Variants in RAI1 observed in about 807,000 individuals in gnomAD.
RAI1 encodes the protein retinoic acid induced 1.
RAI1 carries 9 observed loss-of-function variants against 123.8 expected under a neutral mutation model. The observed-to-expected ratio is 0.07, with a 90% confidence interval of 0.04 to 0.13. The LOEUF is 0.13. Among genes scored for constraint, RAI1 ranks in the 10% least tolerant of loss-of-function variants. The pLI, the probability that RAI1 is intolerant of heterozygous loss-of-function variation, is 1.00. For missense variants in RAI1, 2,256 were observed against 2,545.8 expected (o/e 0.89, Z 2.45); for synonymous variants, 1,231 against 1,127.3 (o/e 1.09, Z -1.84).
At chr17:17,695,105 A>G (rs966611848) in intron 1 of RAI1, among the ~76,000 whole-genome samples, 16 of 151,898 alleles carry the variant, frequency 1.1e-4, no homozygotes, top group African/African-American at 3.9e-4. Flanking sequence ...TAATGGGGAG[A>G]CTGGACCCCT....
chr17:17,708,006 G>A (rs1350692649), intron 1 of RAI1, among the ~76,000 whole-genome samples: 2 of 152,160 alleles, frequency 1.3e-5, no homozygotes, highest in Non-Finnish European at 2.9e-5. Context: ...AGCTTGAAGG[G>A]GAGTAGAAGG....
At chr17:17,686,088 T>G (rs1914618616) in intron 1 of RAI1, among the ~76,000 whole-genome samples, 1 of 152,234 alleles carries the variant, frequency 6.6e-6, no homozygotes, top group African/African-American at 2.4e-5. Flanking sequence ...GGCTGAAGCA[T>G]CGAGGCCTGA....
At chr17:17,682,305 G>T (rs1914455075) in intron 1 of RAI1, among the ~76,000 whole-genome samples, 1 of 151,494 alleles carries the variant, frequency 6.6e-6, no homozygotes, top group Admixed American at 6.6e-5. Flanking sequence ...GGCCGTGCGT[G>T]GCGAGATGGG....
chr17:17,798,111 G>A lies in RAI1; in HGVS notation c.5163G>A (p.Glu1721=), dbSNP rs768697226. The part of the protein sequence containing the change: ...CLPKKKPKLK[E]KVRPEGTCEE... The stretch of plus-strand genomic sequence containing the variant: ...CCAAAAAGAAGCCAAAACTCAAGGA[G>A]AAGGTGCGGCCAGAAGGCACCTGTG... The change falls in exon 3 of 6, where the codon GAG becomes GAA. Residue 1721 remains glutamate (E), a synonymous_variant. Transcript: ENST00000353383. The A allele has an allele frequency of 1.3e-5, 21 of 1,613,944 alleles. No individual in the cohort carries two copies. Among genetic ancestry groups the A allele is most frequent in the Non-Finnish European group, 1.6e-5 (19 of 1,180,032 alleles).
At chr17:17,709,666 A>T (rs1191722022) in intron 1 of RAI1, among the ~76,000 whole-genome samples, 1 of 152,108 alleles carries the variant, frequency 6.6e-6, no homozygotes, top group Non-Finnish European at 1.5e-5. Flanking sequence ...TGGGCCAAGG[A>T]GCTGCTGGGC....
In RAI1 at chr17:17,685,555, CAA is replaced by C. The variant is rs942176022; in HGVS notation, c.-149+3763_-149+3764del. On this transcript the variant is annotated intron_variant, in intron 1 of 5. Coordinates refer to ENST00000353383, the MANE Select transcript of RAI1 (RefSeq NM_030665.4). The surrounding 1 kb of genome is among the most constrained non-coding windows in gnomAD (Gnocchi z 4.0). Reference sequence around the variant, plus strand: ...ATGTGGCCTGTGTGCTGTAGCCAAACAAGAGGGGAGGACTTGGCTCAGAAAGA... The same window carrying C: ...ATGTGGCCTGTGTGCTGTAGCCAAACGAGGGGAGGACTTGGCTCAGAAAGA... Among the ~76,000 whole-genome samples, 8 of 152,172 alleles carry C rather than the reference CAA, an allele frequency of 5.3e-5. No homozygotes were observed. The South Asian group carries it at 6.2e-4, about 12-fold the overall frequency.
At chr17:17,743,398 C>G (rs1473650027) in intron 2 of RAI1, among the ~76,000 whole-genome samples, 3 of 152,224 alleles carry the variant, frequency 2.0e-5, no homozygotes, top group African/African-American at 7.2e-5. Context: ...GTTCCACATC[C>G]TAAGCATTGC....
At chr17:17,684,771 A>G (rs1452285519) in intron 1 of RAI1, 1 of 150,924 alleles carries the variant, frequency 6.6e-6, no homozygotes, top group Non-Finnish European at 1.5e-5. Context: ...CCAAGTGAGG[A>G]CATACTGTGG....
chr17:17,738,689 G>A (rs12938840), intron 2 of RAI1, among the ~76,000 whole-genome samples: 94,495 of 152,066 alleles, frequency 0.62, 30,825 homozygotes, highest in African/African-American at 0.82. Flanking sequence ...GTGTGTCTGA[G>A]CTCAGGCAAC....
rs78933406 is a variant in RAI1, at chr17:17,741,848, C to T, written c.-17+17689C>T. Among the ~76,000 whole-genome samples, 464 of 152,322 alleles carry T rather than the reference C, an allele frequency of 3.0e-3. 4 individuals carry two copies. The highest frequency in any genetic ancestry group is 0.01 in the African/African-American group (422 of 41,578). On this transcript the variant is annotated intron_variant, in intron 2 of 5. Transcript: ENST00000353383. Reference sequence around the variant, plus strand: ...AGGGCCAAGCTCACGGCCGTTGCTTCGGTGCCAGTGGAAGGGGAATGAATG... The same window carrying T: ...AGGGCCAAGCTCACGGCCGTTGCTTTGGTGCCAGTGGAAGGGGAATGAATG...
At chr17:17,773,475 C>A (rs2031238799) in intron 2 of RAI1, among the ~76,000 whole-genome samples, 1 of 152,146 alleles carries the variant, frequency 6.6e-6, no homozygotes, top group Non-Finnish European at 1.5e-5. Flanking sequence ...GGGAACCAGA[C>A]CCATAGAGTT....
At position 17,811,307 on chromosome 17, in the gene RAI1, T is replaced by TATTA. The variant is rs938188040; in HGVS notation, c.*1327_*1330dup. On this transcript the variant is annotated 3_prime_UTR_variant, in exon 6 of 6. Transcript: ENST00000353383. ...TAAATGTTAAGACGACTAGTGTTCTTATTAGTATATTGCTTCACACTGAAG... is the reference window on the plus strand; with the variant it reads ...TAAATGTTAAGACGACTAGTGTTCTTATTAATTAGTATATTGCTTCACACTGAAG... 3 of 291,418 alleles carry TATTA rather than the reference T, an allele frequency of 1.0e-5. No individual in the cohort carries two copies. Among genetic ancestry groups the TATTA allele is most frequent in the African/African-American group, 6.9e-5 (3 of 43,534 alleles). 18.1% of individuals were successfully genotyped at this position (291,418 alleles called of 1,614,324 possible). A position where few individuals can be genotyped will look rare whatever the true frequency, so the allele number is the denominator to read the frequency against.
chr17:17,765,748 G>A (rs2030901049), intron 2 of RAI1: 1 of 152,240 alleles, frequency 6.6e-6, no homozygotes, highest in Non-Finnish European at 1.5e-5. Flanking sequence ...GCCTGCCTCT[G>A]TTCCCCACTC....
Position 17,795,287 on chromosome 17 carries a change from G to A in RAI1, c.2339G>A (p.Ser780Asn). Residue 780 changes from serine (S) to asparagine (N), a missense_variant, in exon 3 of 6, where the codon AGC becomes AAC. Transcript: ENST00000353383. This position sits in a 1 kb window ranked among gnomAD's most constrained non-coding sequence, Gnocchi z 5.9. ...GGTGGGAAGGCCTCAGATGGCATCAGCAAAGGGGACACCCATGAGGCTTCG... is the reference window on the plus strand; with the variant it reads ...GGTGGGAAGGCCTCAGATGGCATCAACAAAGGGGACACCCATGAGGCTTCG... Reference protein sequence around the residue: ...EQGGKASDGISKGDTHEASAC... With the variant: ...EQGGKASDGINKGDTHEASAC... 1 of 1,613,290 alleles carries A rather than the reference G, an allele frequency of 6.2e-7. No individual in the cohort carries two copies. The highest frequency in any genetic ancestry group is 8.5e-7 in the Non-Finnish European group (1 of 1,179,450).
intron 1 of RAI1, among the ~76,000 whole-genome samples, chr17:17,708,646 T>A (rs1915467869): frequency 6.6e-6 from 1 of 152,042 alleles, no homozygotes; most frequent in Non-Finnish European, 1.5e-5. Context: ...AGTGAGTGGG[T>A]TACTTTTTCA....
chr17:17,694,759 G>T (rs1167167726), intron 1 of RAI1, among the ~76,000 whole-genome samples: 1 of 149,664 alleles, frequency 6.7e-6, no homozygotes, highest in Non-Finnish European at 1.5e-5. Context: ...CCAGGCGGGG[G>T]GCGAGGCGGG....
chr17:17,797,126 C>T lies in RAI1; in HGVS notation c.4178C>T (p.Thr1393Ile). The change falls in exon 3 of 6, where the codon ACT becomes ATT. Residue 1393 changes from threonine to isoleucine, a missense_variant. Thr to Ile is a moderately conservative substitution (Grantham distance 89). Around this residue, in one of 7 missense-constraint regions of RAI1, gnomAD observed 410 missense variants for 374.6 expected, o/e 1.09. Transcript: ENST00000353383. The stretch of plus-strand genomic sequence containing the variant: ...GTGGGCACCGGGCAGAAGCTCCCAA[C>T]TTCTGGGGCTGATCCGTTATGCAGA... ...VNVGTGQKLP[T>I]SGADPLCRNP... 6.2e-7 allele frequency: 1 copy of T among 1,614,050 alleles called. No homozygotes were observed. The highest frequency in any genetic ancestry group is 8.5e-7 in the Non-Finnish European group (1 of 1,180,042).
chr17:17,751,018 C>T (rs2030144987), intron 2 of RAI1, among the ~76,000 whole-genome samples: 1 of 152,242 alleles, frequency 6.6e-6, no homozygotes, highest in South Asian at 2.1e-4. Context: ...AAGATGGGTA[C>T]ACATGTGGCT....
At position 17,785,762 on chromosome 17, in the gene RAI1, G is replaced by T. The variant is rs114259267; in HGVS notation, c.-16-7171G>T. 3.9e-3 allele frequency among the ~76,000 whole-genome samples: 598 copies of T among 152,236 alleles called. 4 individuals carry two copies. Among genetic ancestry groups the T allele is most frequent in the African/African-American group, 0.014 (564 of 41,510 alleles). Reference sequence around the variant, plus strand: ...AGGGCACTCGCCTTTCTGCTCTCCTGCGTTGCTCTGCTTATCTGTGCTGGT... The same window carrying T: ...AGGGCACTCGCCTTTCTGCTCTCCTTCGTTGCTCTGCTTATCTGTGCTGGT... On this transcript the variant is annotated intron_variant, in intron 2 of 5. Coordinates refer to ENST00000353383, the MANE Select transcript of RAI1 (RefSeq NM_030665.4).
Sources: gnomAD v4.1 joint callset for allele counts (sites outside exome capture counted in the v4.1 genomes callset) on GRCh38, gnomAD v4.1.1 for gene constraint, gnomAD v4.1.1 regional missense constraint, Gnocchi (gnomAD v3.1) non-coding constraint, MANE v1.5 for transcripts, NCBI Gene and HGNC (gene_info 2026-07-23, HGNC 2026-07-21) for gene names.